The following CEMIP2 variants were observed in gnomAD, a reference collection of about 807,000 sequenced individuals.
CEMIP2 encodes the protein cell surface hyaluronidase CEMIP2.
CEMIP2 carries 79 observed loss-of-function variants against 146.9 expected under a neutral mutation model. The observed-to-expected ratio is 0.54, with a 90% confidence interval of 0.45 to 0.65. The LOEUF (loss-of-function observed/expected upper bound fraction) is 0.65, where lower values mean the gene tolerates loss of function less well. CEMIP2 is among the 30% of genes least tolerant of loss of function. The pLI is 0.00. For synonymous variants in CEMIP2, 601 were observed against 606.3 expected (o/e 0.99, Z 0.13); for missense variants, 1,596 against 1,696.2 (o/e 0.94, Z 1.04).
intron 1 of CEMIP2, among the ~76,000 whole-genome samples, chr9:71,765,276 A>G (rs752825369): frequency 3.5e-4 from 53 of 152,354 alleles, no homozygotes; most frequent in Middle Eastern, 3.4e-3. Context: ...GCTATGATTT[A>G]TATCTATTTA....
At chr9:71,748,108 TATAAAGA>T (rs1824139729) in intron 2 of CEMIP2, among the ~76,000 whole-genome samples, 1 of 152,206 alleles carries the variant, frequency 6.6e-6, no homozygotes, top group South Asian at 2.1e-4. Context: ...TGTACCCAGC[TATAAAGA>T]AGGAAATCCA....
intron 14 of CEMIP2, 107 bp downstream of exon 14, chr9:71,716,410 T>C: frequency 1.0e-6 from 1 of 981,230 alleles, no homozygotes; most frequent in Admixed American, 2.7e-5. Context: ...GCTAATTTTT[T>C]TTATGTTAAA....
chr9:71,689,022 AATCTATGGGGT>A (rs1471972501), intron 22 of CEMIP2, among the ~76,000 whole-genome samples: 2 of 152,106 alleles, frequency 1.3e-5, no homozygotes, highest in African/African-American at 4.8e-5. Flanking sequence ...TTACCTCTTA[AATCTATGGGGT>A]ACCTTGCAGG....
At chr9:71,710,000 C>T (rs1822861868) in intron 16 of CEMIP2, among the ~76,000 whole-genome samples, 1 of 151,990 alleles carries the variant, frequency 6.6e-6, no homozygotes, top group African/African-American at 2.4e-5. Context: ...ACTCCCCCCA[C>T]CAAAAAAATA....
chr9:71,749,405 T>TAA (rs1029512478), intron 2 of CEMIP2, among the ~76,000 whole-genome samples: 3 of 142,556 alleles, frequency 2.1e-5, no homozygotes, highest in Non-Finnish European at 3.1e-5. Context: ...TACGTATGAC[T>TAA]AAAAAAAAAA....
chr9:71,746,481 C>T, intron 2 of CEMIP2, 140 bp from the exon 3 acceptor site: 1 of 889,292 alleles, frequency 1.1e-6, no homozygotes, highest in East Asian at 2.7e-5. Context: ...AATGGAAATC[C>T]CACGCCTTCC....
At chr9:71,700,515 A>C in intron 19 of CEMIP2, 127 bp downstream of exon 19, 4 of 922,930 alleles carry the variant, frequency 4.3e-6, no homozygotes, top group African/African-American at 2.0e-5. Context: ...AACCTCTAAT[A>C]GAGAAGATGT....
chr9:71,709,509 G>C, intron 16 of CEMIP2, 35 bp from the exon 17 acceptor site: 1 of 1,574,242 alleles, frequency 6.4e-7, no homozygotes, highest in Non-Finnish European at 8.7e-7. Context: ...ATCACAAAGT[G>C]AGGGCTCCTG....
chr9:71,702,782 T>C (rs1822609761), intron 18 of CEMIP2, among the ~76,000 whole-genome samples: 1 of 152,220 alleles, frequency 6.6e-6, no homozygotes, highest in African/African-American at 2.4e-5. Context: ...TAAACAAGTA[T>C]GACTGAATTT....
chr9:71,693,051 A>G lies in CEMIP2; in HGVS notation c.3696+1458T>C, dbSNP rs184424820. 2.0e-4 allele frequency among the ~76,000 whole-genome samples: 30 copies of G among 152,328 alleles called. 1 individual carries two copies. The highest frequency in any genetic ancestry group is 7.0e-4 in the African/African-American group (29 of 41,576). ...TAGTGATGGTTGTACAACAATATGA[A>G]TGGACTTCATGCCACTGAACTGCCC... On this transcript the variant is annotated intron_variant, in intron 21 of 23. Coordinates refer to ENST00000377044, the MANE Select transcript of CEMIP2 (RefSeq NM_013390.3).
At chr9:71,758,495 A>G (rs1268738221) in intron 1 of CEMIP2, among the ~76,000 whole-genome samples, 3 of 152,230 alleles carry the variant, frequency 2.0e-5, no homozygotes, top group Non-Finnish European at 4.4e-5. Flanking sequence ...AACAGGTTAC[A>G]GTAGTAAATC....
intron 16 of CEMIP2, among the ~76,000 whole-genome samples, chr9:71,710,612 A>T (rs1399459678): frequency 6.6e-6 from 1 of 152,244 alleles, no homozygotes; most frequent in Non-Finnish European, 1.5e-5. Flanking sequence ...TTATGCTGTT[A>T]TAACTTTAGG....
At chr9:71,762,978 C>T (rs1392424507) in intron 1 of CEMIP2, among the ~76,000 whole-genome samples, 1 of 151,920 alleles carries the variant, frequency 6.6e-6, no homozygotes, top group African/African-American at 2.4e-5. Context: ...CATACCAATG[C>T]ACTCCATCCT....
At chr9:71,712,300 T>C (rs769083818) in intron 15 of CEMIP2, 40 bp from the exon 16 acceptor site, 1 of 1,585,222 alleles carries the variant, frequency 6.3e-7, no homozygotes, top group South Asian at 1.1e-5. Context: ...ATATGGGCTG[T>C]CCCCTTAGCA....
chr9:71,747,383 C>T lies in CEMIP2; in HGVS notation c.332-1042G>A, dbSNP rs1247207790. Among the ~76,000 whole-genome samples, 3 of 152,084 alleles carry T rather than the reference C, an allele frequency of 2.0e-5. No individual in the cohort carries two copies. In the East Asian group the frequency reaches 5.8e-4, roughly 29 times the overall value. On this transcript the variant is annotated intron_variant, in intron 2 of 23. Transcript: ENST00000377044. ...GGTAGTCAGTCGAGGTTCAAAAGAC[C>T]TCAGGCAAAGGAGGCATGGGGCTGG... is the stretch of plus-strand genomic sequence containing the variant.
At chr9:71,708,042 C>T (rs1226635665) in intron 17 of CEMIP2, among the ~76,000 whole-genome samples, 2 of 152,116 alleles carry the variant, frequency 1.3e-5, no homozygotes, top group African/African-American at 4.8e-5. Flanking sequence ...AAAAAACTAG[C>T]CGGGCATGGT....
chr9:71,706,408 G>A (rs942636720), intron 17 of CEMIP2, among the ~76,000 whole-genome samples: 1 of 151,972 alleles, frequency 6.6e-6, no homozygotes, highest in Admixed American at 6.6e-5. Flanking sequence ...AAATTCTCAG[G>A]AGTAAATTTC....
At chr9:71,732,065 TTTTTG>T (rs1248454190) in intron 7 of CEMIP2, among the ~76,000 whole-genome samples, 1 of 152,194 alleles carries the variant, frequency 6.6e-6, no homozygotes, top group East Asian at 1.9e-4. Flanking sequence ...CTTCAGTTTT[TTTTTG>T]TTTTGTTTTG....
chr9:71,712,056 T>C (rs748725313), intron 16 of CEMIP2, 27 bp downstream of exon 16: 1 of 1,606,138 alleles, frequency 6.2e-7, no homozygotes, highest in Non-Finnish European at 8.5e-7. Context: ...CCATAGTCAC[T>C]ACGTAAGAAC....
Sources: allele counts gnomAD v4.1 joint callset (sites outside exome capture counted in the v4.1 genomes callset), GRCh38; gene constraint gnomAD v4.1.1; transcripts MANE v1.5; gene names NCBI Gene and HGNC (gene_info 2026-07-23, HGNC 2026-07-21).